The following GRM1 variants were observed in gnomAD, a reference collection of about 807,000 sequenced individuals.
The protein encoded by GRM1 is metabotropic glutamate receptor 1.
A neutral mutation model predicts 90.9 loss-of-function variants in GRM1; 33 were observed. The observed-to-expected ratio is 0.36, with a 90% CI of 0.28 to 0.49. The LOEUF (loss-of-function observed/expected upper bound fraction) is 0.49. Among genes scored for constraint, GRM1 ranks in the 20% least tolerant of loss-of-function variants. GRM1 has a pLI of 0.99. For missense variants in GRM1, 1,190 were observed against 1,534.3 expected (o/e 0.78, Z 3.75); for synonymous variants, 700 against 613.2 (o/e 1.14, Z -2.09).
intron 2 of GRM1, among the ~76,000 whole-genome samples, chr6:146,231,723 C>G (rs539762920): frequency 6.6e-6 from 1 of 152,058 alleles, no homozygotes; most frequent in South Asian, 2.1e-4. Flanking sequence ...TGACAAATAT[C>G]TGAATGTTAA....
intron 3 of GRM1, among the ~76,000 whole-genome samples, chr6:146,317,301 A>G (rs1453915657): frequency 6.6e-6 from 1 of 152,184 alleles, no homozygotes; most frequent in South Asian, 2.1e-4. Context: ...TTGCACATTT[A>G]ATTTTTCTAC....
At chr6:146,085,049 C>T (rs1776494145) in intron 1 of GRM1, among the ~76,000 whole-genome samples, 1 of 151,998 alleles carries the variant, frequency 6.6e-6, no homozygotes, top group Non-Finnish European at 1.5e-5. Flanking sequence ...TTTTTTAAGT[C>T]TCAAAGGAAT....
chr6:146,281,151 C>G (rs981059923), intron 2 of GRM1, among the ~76,000 whole-genome samples: 2 of 152,146 alleles, frequency 1.3e-5, no homozygotes. Context: ...TGCTTTTCTA[C>G]CTTCTTCTTG....
intron 1 of GRM1, among the ~76,000 whole-genome samples, chr6:146,055,606 T>C (rs1021324769): frequency 6.6e-6 from 1 of 152,138 alleles, no homozygotes; most frequent in Non-Finnish European, 1.5e-5. Context: ...TATGTGTTTG[T>C]GTTTGTGGGA....
chr6:146,030,315 C>G, intron 1 of GRM1, 98 bp downstream of exon 1: 1 of 898,656 alleles, frequency 1.1e-6, no homozygotes, highest in East Asian at 2.5e-5. Flanking sequence ...ATTTCTAGCA[C>G]TGTGGGGAAC....
At position 146,072,120 on chromosome 6, in the gene GRM1, C is replaced by G. The variant is rs78239885; in HGVS notation, c.700+41903C>G. Among the ~76,000 whole-genome samples, 615 of 152,282 alleles carry G rather than the reference C, an allele frequency of 4.0e-3. 19 individuals are homozygous for G. The East Asian group carries it at 0.071, about 18-fold the overall frequency. ...AAACATAAAGCATTATTTTGATAGA[C>G]CTCCCTGAGGAAGCAGTGGTGTTGC... is the stretch of plus-strand genomic sequence containing the variant. On this transcript the variant is annotated intron_variant, in intron 1 of 7. Coordinates refer to ENST00000282753, the MANE Select transcript of GRM1 (RefSeq NM_001278064.2).
At chr6:146,312,809 CA>C (rs1213009394) in intron 3 of GRM1, among the ~76,000 whole-genome samples, 2 of 152,304 alleles carry the variant, frequency 1.3e-5, no homozygotes, top group Middle Eastern at 3.4e-3. Flanking sequence ...AAAGTTGACT[CA>C]CTCTTTGGTA....
chr6:146,347,018 T>G (rs985859492), intron 3 of GRM1, among the ~76,000 whole-genome samples: 1 of 152,194 alleles, frequency 6.6e-6, no homozygotes, highest in African/African-American at 2.4e-5. Flanking sequence ...GAATTTAGAT[T>G]TGAAAAGGTA....
intron 2 of GRM1, among the ~76,000 whole-genome samples, chr6:146,211,802 T>A (rs907877789): frequency 9.9e-5 from 15 of 152,262 alleles, no homozygotes; most frequent in Admixed American, 9.8e-4. Flanking sequence ...TTCAGTTTCA[T>A]TTTTAGATTC....
At chr6:146,070,171 AT>A (rs199811561) in intron 1 of GRM1, among the ~76,000 whole-genome samples, 5 of 150,988 alleles carry the variant, frequency 3.3e-5, no homozygotes, top group African/African-American at 1.2e-4. Flanking sequence ...TCTTAAAGTC[AT>A]TTTTTTTTCT....
At chr6:146,312,304 G>A (rs1384686487) in intron 3 of GRM1, among the ~76,000 whole-genome samples, 1 of 127,292 alleles carries the variant, frequency 7.9e-6, no homozygotes. Context: ...TAGCGCCACT[G>A]CAGTCCGGCC....
chr6:146,201,420 A>G (rs947959586), intron 2 of GRM1, among the ~76,000 whole-genome samples: 2 of 152,226 alleles, frequency 1.3e-5, no homozygotes, highest in African/African-American at 2.4e-5. Context: ...ATTGCTCACA[A>G]TGGAGTCTGA....
chr6:146,434,283 T>C lies in GRM1; in HGVS notation c.3072T>C (p.Pro1024=). The C allele has an allele frequency of 6.2e-7, 1 of 1,602,038 alleles. No homozygotes were observed. The highest frequency in any genetic ancestry group is 8.5e-7 in the Non-Finnish European group (1 of 1,172,222). ...CTCTCCAGCAGCAGCAGCAACCCCC[T>C]CCACAGCAGAAATCGCTGATGGACC... ...PPPLQQQQQP[P]PQQKSLMDQL... The change falls in exon 8 of 8, where the codon CCT becomes CCC. Residue 1024 remains proline (P), a synonymous_variant. Coordinates refer to ENST00000282753, the MANE Select transcript of GRM1 (RefSeq NM_001278064.2).
chr6:146,334,794 C>T (rs1784710303), intron 3 of GRM1, among the ~76,000 whole-genome samples: 1 of 152,080 alleles, frequency 6.6e-6, no homozygotes, highest in Non-Finnish European at 1.5e-5. Flanking sequence ...TTCATATGCC[C>T]TTTGTGCTCC....
chr6:146,257,174 C>A (rs1021804882), intron 2 of GRM1, among the ~76,000 whole-genome samples: 7 of 152,104 alleles, frequency 4.6e-5, no homozygotes, highest in Non-Finnish European at 1.0e-4. Flanking sequence ...TTTTTCAATT[C>A]TCTTACGGCA....
intron 2 of GRM1, among the ~76,000 whole-genome samples, chr6:146,215,442 A>G (rs1270810836): frequency 2.0e-5 from 3 of 151,978 alleles, no homozygotes; most frequent in Non-Finnish European, 4.4e-5. Flanking sequence ...TCCTAATATT[A>G]CAAATCTATA....
At chr6:146,111,677 G>T (rs1338619658) in intron 1 of GRM1, among the ~76,000 whole-genome samples, 1 of 152,136 alleles carries the variant, frequency 6.6e-6, no homozygotes, top group Non-Finnish European at 1.5e-5. Context: ...TTTATTAGAG[G>T]AATAGAGAGA....
At chr6:146,189,943 C>T (rs1778880006) in intron 2 of GRM1, among the ~76,000 whole-genome samples, 1 of 152,084 alleles carries the variant, frequency 6.6e-6, no homozygotes, top group Non-Finnish European at 1.5e-5. Flanking sequence ...AATTTAAAAC[C>T]AGAATTCTAT....
intron 1 of GRM1, among the ~76,000 whole-genome samples, chr6:146,032,445 G>T (rs1244571221): frequency 6.6e-6 from 1 of 152,264 alleles, no homozygotes; most frequent in African/African-American, 2.4e-5. Context: ...GGAATTTTGT[G>T]TAAGGTCCCA....
Sources: allele counts gnomAD v4.1 joint callset (sites outside exome capture counted in the v4.1 genomes callset), GRCh38; gene constraint gnomAD v4.1.1; transcripts MANE v1.5; gene names NCBI Gene and HGNC (gene_info 2026-07-23, HGNC 2026-07-21).